Variants in CLMN observed in about 807,000 individuals in gnomAD.
The protein encoded by CLMN is calmin (calponin-like, transmembrane).
CLMN carries 57 observed loss-of-function variants against 92.7 expected under a neutral mutation model. That is an observed-to-expected ratio of 0.61 (90% CI 0.50 to 0.77). The LOEUF is 0.77. CLMN is among the 30% of genes least tolerant of loss of function. The pLI, the probability that CLMN is intolerant of heterozygous loss-of-function variation, is 0.00. For synonymous variants in CLMN, 466 were observed against 470.6 expected, an observed-to-expected ratio of 0.99 and a Z score of 0.13; for missense variants, 1,158 against 1,237.5, an observed-to-expected ratio of 0.94 and a Z score of 0.96.
chr14:95,287,803 C>T (rs1395793512), intron 1 of CLMN, among the ~76,000 whole-genome samples: 8 of 152,192 alleles, frequency 5.3e-5, no homozygotes. Flanking sequence ...AGGTCATCAG[C>T]CTCTCTCCAT....
intron 1 of CLMN, among the ~76,000 whole-genome samples, chr14:95,317,469 C>G (rs890311122): frequency 1.3e-5 from 2 of 152,146 alleles, no homozygotes; most frequent in Non-Finnish European, 2.9e-5. Context: ...CTGCACACAA[C>G]CCAAAGGTCC....
intron 9 of CLMN, chr14:95,198,936 C>T (rs926338850): frequency 1.3e-5 from 2 of 152,100 alleles, no homozygotes; most frequent in African/African-American, 4.8e-5. Flanking sequence ...TTTGAGACTT[C>T]AGAGAAGTCA....
In CLMN at chr14:95,188,199, C is replaced by G. The variant is rs1436295542; in HGVS notation, c.*3365G>C. Reference sequence around the variant, plus strand: ...CCTCACTCTTAAAACATGAACAGATCCATAGGATCACCATATATTTGAGAA... The same window carrying G: ...CCTCACTCTTAAAACATGAACAGATGCATAGGATCACCATATATTTGAGAA... On this transcript the variant is annotated 3_prime_UTR_variant, in exon 13 of 13. Transcript: ENST00000298912. 1 of 152,132 alleles carries G rather than the reference C, an allele frequency of 6.6e-6. No individual in the cohort carries two copies. Among genetic ancestry groups the G allele is most frequent in the African/African-American group, 2.4e-5 (1 of 41,416 alleles). The allele number at this position is 152,132 out of a possible 1,614,324, so 9.4% of individuals were successfully genotyped here. A position where few individuals can be genotyped will look rare whatever the true frequency, so the allele number is the denominator to read the frequency against.
chr14:95,300,088 C>A (rs1307378288), intron 1 of CLMN, among the ~76,000 whole-genome samples: 1 of 152,248 alleles, frequency 6.6e-6, no homozygotes, highest in Non-Finnish European at 1.5e-5. Flanking sequence ...TGGAAAGCAG[C>A]CTCCCGTCTC....
chr14:95,251,851 T>A (rs1455944160), intron 1 of CLMN, among the ~76,000 whole-genome samples: 2 of 152,156 alleles, frequency 1.3e-5, no homozygotes, highest in Non-Finnish European at 2.9e-5. Flanking sequence ...CCCTTCCTTT[T>A]ACTTATTCTC....
chr14:95,197,649 C>T (rs1187628), intron 9 of CLMN, among the ~76,000 whole-genome samples: 85,521 of 152,016 alleles, frequency 0.56, 24,341 homozygotes, highest in African/African-American at 0.65. Context: ...GTCTAGCATG[C>T]ATTGGTAATG....
At chr14:95,226,531 C>T (rs998316302) in intron 2 of CLMN, among the ~76,000 whole-genome samples, 1 of 152,020 alleles carries the variant, frequency 6.6e-6, no homozygotes, top group South Asian at 2.1e-4. Flanking sequence ...TCCTTTTAAT[C>T]GCAACAGAAT....
chr14:95,239,678 C>A (rs529372078), intron 1 of CLMN, among the ~76,000 whole-genome samples: 1 of 152,340 alleles, frequency 6.6e-6, no homozygotes, highest in East Asian at 1.9e-4. Context: ...AGTCTGCCCC[C>A]TTGCATCATT....
intron 1 of CLMN, among the ~76,000 whole-genome samples, chr14:95,285,819 G>A (rs574693683): frequency 3.9e-5 from 6 of 152,148 alleles, no homozygotes; most frequent in East Asian, 3.9e-4. Flanking sequence ...TCCATGGTAC[G>A]GCCACACCCT....
At chr14:95,226,592 T>G (rs999860990) in intron 2 of CLMN, among the ~76,000 whole-genome samples, 36 of 152,142 alleles carry the variant, frequency 2.4e-4, no homozygotes, top group Non-Finnish European at 4.3e-4. Flanking sequence ...TTCTTTTTTT[T>G]TTGAGATGAG....
intron 1 of CLMN, among the ~76,000 whole-genome samples, chr14:95,315,085 G>A (rs1425354167): frequency 6.6e-6 from 1 of 152,158 alleles, no homozygotes; most frequent in Non-Finnish European, 1.5e-5. Context: ...CTCCACTGCT[G>A]TGTGAAAGGA....
intron 1 of CLMN, among the ~76,000 whole-genome samples, chr14:95,281,207 G>T (rs1400462971): frequency 1.3e-5 from 2 of 152,074 alleles, no homozygotes; most frequent in African/African-American, 4.8e-5. Context: ...AAGTATTTAC[G>T]GACACAGTTA....
At chr14:95,300,524 GAGACCTCTAATGGAAACTTTGTT>G (rs1901003765) in intron 1 of CLMN, among the ~76,000 whole-genome samples, 1 of 152,176 alleles carries the variant, frequency 6.6e-6, no homozygotes, top group African/African-American at 2.4e-5. Flanking sequence ...CAGATCAAAG[GAGACCTCTAATGGAAACTTTGTT>G]AGCTCAGGGC....
intron 1 of CLMN, among the ~76,000 whole-genome samples, chr14:95,258,510 A>T (rs1170746903): frequency 1.0e-5 from 1 of 100,082 alleles, no homozygotes; most frequent in Non-Finnish European, 2.1e-5. Flanking sequence ...GAGGGTGTGT[A>T]TGTGTGGTGT....
intron 9 of CLMN, among the ~76,000 whole-genome samples, chr14:95,199,569 C>T (rs999029776): frequency 2.8e-4 from 42 of 152,188 alleles, no homozygotes; most frequent in Non-Finnish European, 5.9e-4. Context: ...CAGGCCCTGT[C>T]AGGCACCGTG....
At chr14:95,305,545 A>G (rs903391208) in intron 1 of CLMN, among the ~76,000 whole-genome samples, 15 of 152,242 alleles carry the variant, frequency 9.9e-5, no homozygotes, top group Admixed American at 9.8e-4. Context: ...AAAAATAGAA[A>G]AGGTAAGAGA....
At chr14:95,303,727 G>A in intron 1 of CLMN, among the ~76,000 whole-genome samples, 1 of 152,228 alleles carries the variant, frequency 6.6e-6, no homozygotes, top group East Asian at 1.9e-4. Context: ...AATCTCCAAA[G>A]CTAGGATGAT....
intron 1 of CLMN, among the ~76,000 whole-genome samples, chr14:95,289,629 C>T (rs1456208909): frequency 2.6e-5 from 4 of 152,056 alleles, no homozygotes; most frequent in South Asian, 2.1e-4. Flanking sequence ...TGTTGGAGGG[C>T]GTGGGCATTG....
Position 95,256,879 on chromosome 14 carries a change from ATGCGGTGTT to A in CLMN, c.83-26755_83-26747del, listed in dbSNP as rs1298899550. Among the ~76,000 whole-genome samples, 4 of 152,168 alleles carry A rather than the reference ATGCGGTGTT, an allele frequency of 2.6e-5. No homozygotes were observed. Among genetic ancestry groups the A allele is most frequent in the African/African-American group, 9.7e-5 (4 of 41,424 alleles). On this transcript the variant is annotated intron_variant, in intron 1 of 12. Coordinates refer to ENST00000298912, the MANE Select transcript of CLMN (RefSeq NM_024734.4). This position sits in a 1 kb window ranked among gnomAD's most constrained non-coding sequence, Gnocchi z 4.9. ...ATTGGAGCAGGAGCTTGAAGGCCCC[ATGCGGTGTT>A]AGCAGATAGGGAAAAGGAGAGGGCA... is the stretch of plus-strand genomic sequence containing the variant.
Sources: gnomAD v4.1 joint callset for allele counts (sites outside exome capture counted in the v4.1 genomes callset) on GRCh38, gnomAD v4.1.1 for gene constraint, Gnocchi (gnomAD v3.1) non-coding constraint, MANE v1.5 for transcripts, NCBI Gene and HGNC (gene_info 2026-07-23, HGNC 2026-07-21) for gene names.